UBAP2: variants seen among roughly 807,000 people sequenced by gnomAD.
UBAP2 encodes the protein ubiquitin associated protein 2.
Under a neutral mutation model 139.6 loss-of-function variants are expected in UBAP2, and 75 were observed. The observed-to-expected ratio is 0.54, with a 90% CI of 0.45 to 0.65. The LOEUF (loss-of-function observed/expected upper bound fraction) is 0.65. Among genes scored for constraint, UBAP2 ranks in the 30% least tolerant of loss-of-function variants. UBAP2 has a pLI of 0.00. For missense variants in UBAP2, 1,368 were observed against 1,369.6 expected, an observed-to-expected ratio of 1.00 and a Z score of 0.02; for synonymous variants, 526 against 526.2, an observed-to-expected ratio of 1.00 and a Z score of 0.01.
At chr9:33,942,387 C>A (rs1825303766) in intron 15 of UBAP2, among the ~76,000 whole-genome samples, 1 of 151,738 alleles carries the variant, frequency 6.6e-6, no homozygotes, top group African/African-American at 2.4e-5. Context: ...GAAACTTAAA[C>A]AAATATCAGG....
Position 34,016,260 on chromosome 9 carries a change from AGAGGAGGAAGAGAAGGAGGAAGAGGAG to A in UBAP2, c.99+763_99+789del, listed in dbSNP as rs1282873461. The stretch of plus-strand genomic sequence containing the variant: ...AAGGGGAGGAAGAGGAGGAGGAGGA[AGAGGAGGAAGAGAAGGAGGAAGAGGAG>A]GAGGAGGAAGAGGAGGAAGAGGAGG... On this transcript the variant is annotated intron_variant, in intron 2 of 28. Coordinates refer to ENST00000379238, the MANE Select transcript of UBAP2 (RefSeq NM_001370062.2). 3.7e-3 allele frequency among the ~76,000 whole-genome samples: 123 copies of A among 32,872 alleles called. 3 individuals carry two copies. The East Asian group carries it at 0.08, about 21-fold the overall frequency. The allele number at this position is 32,872 out of a possible 152,430, so 21.6% of individuals were successfully genotyped here.
intron 1 of UBAP2, among the ~76,000 whole-genome samples, chr9:34,034,087 A>T (rs995167423): frequency 1.3e-5 from 2 of 152,178 alleles, no homozygotes; most frequent in Non-Finnish European, 2.9e-5. Flanking sequence ...AGTTCTCATT[A>T]TTCACATCTC....
intron 15 of UBAP2, among the ~76,000 whole-genome samples, chr9:33,942,974 A>G (rs769282733): frequency 1.2e-4 from 18 of 152,212 alleles, no homozygotes; most frequent in Non-Finnish European, 2.2e-4. Flanking sequence ...GAAAGCATGC[A>G]AAACTTGAAA....
intron 2 of UBAP2, among the ~76,000 whole-genome samples, chr9:34,008,442 A>C (rs1823431860): frequency 6.6e-6 from 1 of 152,138 alleles, no homozygotes; most frequent in South Asian, 2.1e-4. Context: ...AACACAAAAG[A>C]AGTCAAAAAC....
chr9:33,957,154 C>A (rs780035864), intron 10 of UBAP2, among the ~76,000 whole-genome samples: 1 of 151,952 alleles, frequency 6.6e-6, no homozygotes, highest in Admixed American at 6.6e-5. Context: ...TTTTCTCCCC[C>A]CAAAGACAGA....
intron 9 of UBAP2, 80 bp from the exon 10 acceptor site, chr9:33,960,958 C>T (rs1371792166): frequency 1.4e-6 from 2 of 1,408,360 alleles, no homozygotes; most frequent in Non-Finnish European, 2.0e-6. Flanking sequence ...TTTTTGTGTA[C>T]TATGCGGGGA....
chr9:34,028,626 T>C (rs1020443995), intron 1 of UBAP2, among the ~76,000 whole-genome samples: 1 of 151,936 alleles, frequency 6.6e-6, no homozygotes, highest in African/African-American at 2.4e-5. Context: ...GTGATCCGCC[T>C]ACCTCAGGCT....
intron 11 of UBAP2, 120 bp downstream of exon 11, chr9:33,955,959 T>C (rs1050517294): frequency 9.3e-5 from 65 of 702,658 alleles, no homozygotes; most frequent in Middle Eastern, 4.2e-4. Context: ...AAAATAAAAG[T>C]TAGCCTTGGA....
At chr9:33,987,061 G>C (rs1028995957) in intron 5 of UBAP2, among the ~76,000 whole-genome samples, 1 of 152,102 alleles carries the variant, frequency 6.6e-6, no homozygotes, top group South Asian at 2.1e-4. Context: ...TCCAGCTGAG[G>C]GGGGCAGATC....
intron 6 of UBAP2, among the ~76,000 whole-genome samples, chr9:33,980,138 G>A: frequency 6.7e-6 from 1 of 148,842 alleles, no homozygotes; most frequent in East Asian, 2.0e-4. Flanking sequence ...CACATACTTA[G>A]CTGACATTCT....
At chr9:33,965,268 C>A (rs918614903) in intron 8 of UBAP2, among the ~76,000 whole-genome samples, 1 of 152,108 alleles carries the variant, frequency 6.6e-6, no homozygotes, top group Admixed American at 6.5e-5. Flanking sequence ...TTTTTCCCCC[C>A]ATTTTTAATT....
chr9:34,041,597 C>G (rs1228863388), intron 1 of UBAP2, among the ~76,000 whole-genome samples: 1 of 148,852 alleles, frequency 6.7e-6, no homozygotes, highest in South Asian at 2.1e-4. Flanking sequence ...CTCGGGAGGC[C>G]GAGGCAGGAG....
intron 18 of UBAP2, 95 bp downstream of exon 18, chr9:33,933,392 GACA>G (rs1824173937): frequency 5.1e-6 from 7 of 1,368,998 alleles, no homozygotes; most frequent in Admixed American, 4.4e-5. Context: ...TCACGTCAGA[GACA>G]ACAAGTGTGC....
rs1281397816 is a variant in UBAP2 at position 33,971,704 on chromosome 9, C to A, written c.626G>T (p.Gly209Val). ...YSDSTSTDVC[G>V]TKLVVWEAAQ... ...AGCTTCCCAAACTACTAGCTTTGTCCCACACACATCTGTAGATGTAGAATC... is the reference window on the plus strand; with the variant it reads ...AGCTTCCCAAACTACTAGCTTTGTCACACACACATCTGTAGATGTAGAATC... The change falls in exon 8 of 29, where the codon GGG becomes GTG. Residue 209 changes from glycine to valine, a missense_variant. Transcript: ENST00000379238. The A allele has an allele frequency of 6.2e-7, 1 of 1,612,814 alleles. No individual in the cohort carries two copies. The highest frequency in any genetic ancestry group is 8.5e-7 in the Non-Finnish European group (1 of 1,178,912).
intron 1 of UBAP2, among the ~76,000 whole-genome samples, chr9:34,046,675 A>C (rs966289464): frequency 8.8e-5 from 13 of 147,202 alleles, no homozygotes; most frequent in Admixed American, 8.8e-4. Flanking sequence ...AAAAAAAAGA[A>C]GGCTTCACTT....
At chr9:33,981,283 GATATATATATATATTCTGGAT>G (rs1182769635) in intron 6 of UBAP2, among the ~76,000 whole-genome samples, 7,969 of 66,564 alleles carry the variant, frequency 0.12, 1,269 homozygotes, top group African/African-American at 0.21. Flanking sequence ...ATATATTCTG[GATATATATATATATTCTGGAT>G]ATATATATAT....
chr9:33,926,704 C>G (rs539622922), intron 21 of UBAP2, 40 bp from the exon 22 acceptor site: 2 of 1,611,710 alleles, frequency 1.2e-6, no homozygotes, highest in Non-Finnish European at 1.7e-6. Context: ...GAACCACATA[C>G]CACACCCTGG....
chr9:34,022,348 G>A (rs1020326442), intron 1 of UBAP2, among the ~76,000 whole-genome samples: 1 of 151,220 alleles, frequency 6.6e-6, no homozygotes, highest in Non-Finnish European at 1.5e-5. Flanking sequence ...GCATGCACCT[G>A]TAAGTCCCAG....
intron 6 of UBAP2, among the ~76,000 whole-genome samples, chr9:33,975,040 T>C (rs1828201418): frequency 6.6e-6 from 1 of 152,214 alleles, no homozygotes; most frequent in African/African-American, 2.4e-5. Context: ...TCAGTATTGC[T>C]GATCATTAGG....
Sources: gnomAD v4.1 joint callset for allele counts (sites outside exome capture counted in the v4.1 genomes callset) on GRCh38, gnomAD v4.1.1 for gene constraint, MANE v1.5 for transcripts, NCBI Gene and HGNC (gene_info 2026-07-23, HGNC 2026-07-21) for gene names.